PARG: variants seen among roughly 807,000 people sequenced by gnomAD.
PARG encodes mitochondrial poly(ADP-ribose) glycohydrolase.
PARG carries 35 observed loss-of-function variants against 113.0 expected under a neutral mutation model. The ratio of observed to expected loss-of-function variants is 0.31; its 90% CI spans 0.24 to 0.41. The LOEUF (loss-of-function observed/expected upper bound fraction) is 0.41, where lower values mean the gene tolerates loss of function less well. PARG is among the 10% of genes least tolerant of loss of function. PARG has a pLI of 1.00. For synonymous variants in PARG, 330 were observed against 409.9 expected, an observed-to-expected ratio of 0.81 and a Z score of 2.36; for missense variants, 797 against 1,169.4, an observed-to-expected ratio of 0.68 and a Z score of 4.64.
intron 7 of PARG, among the ~76,000 whole-genome samples, chr10:49,904,588 G>T (rs1232896102): frequency 2.6e-5 from 4 of 151,698 alleles, no homozygotes; most frequent in African/African-American, 9.7e-5. Flanking sequence ...AGAAATCAGT[G>T]TATTTTGCTA....
rs1358072147 is a variant in PARG at position 49,868,824 on chromosome 10, A to G, written c.2068+652T>C. ...GTAATGGCCGTTATTATATTATTTC[A>G]TAGGTGATAAAACTGAAGCTTAGAG... On this transcript the variant is annotated intron_variant, in intron 10 of 17. Transcript: ENST00000616448. Among the ~76,000 whole-genome samples, 3 of 151,348 alleles carry G rather than the reference A, an allele frequency of 2.0e-5. No homozygotes were observed. The East Asian group carries it at 5.8e-4, about 29-fold the overall frequency.
At chr10:49,849,815 C>A (rs1389964262) in intron 13 of PARG, among the ~76,000 whole-genome samples, 1 of 151,476 alleles carries the variant, frequency 6.6e-6, no homozygotes, top group Non-Finnish European at 1.5e-5. Flanking sequence ...GAGTTTGAGA[C>A]CAGCCTGGGC....
At chr10:49,832,601 A>AT (rs1844725739) in intron 16 of PARG, among the ~76,000 whole-genome samples, 1 of 152,338 alleles carries the variant, frequency 6.6e-6, no homozygotes, top group Admixed American at 6.5e-5. Context: ...GATCAAAGTG[A>AT]TAAGCGACCT....
chr10:49,917,079 AAAGAG>A (rs74262032), intron 6 of PARG, among the ~76,000 whole-genome samples: 28,454 of 151,730 alleles, frequency 0.19, 3,055 homozygotes, highest in Non-Finnish European at 0.27. Context: ...TAAGAAAAGA[AAAGAG>A]AAGAGAAGAT....
chr10:49,917,488 CAAA>C, intron 6 of PARG, among the ~76,000 whole-genome samples: 1 of 47,658 alleles, frequency 2.1e-5, no homozygotes, highest in Non-Finnish European at 4.4e-5. Flanking sequence ...GACTCCGTCT[CAAA>C]AAAAAAAAAA....
At chr10:49,934,850 A>G (rs1335862717) in intron 2 of PARG, among the ~76,000 whole-genome samples, 152 of 148,128 alleles carry the variant, frequency 1.0e-3, no homozygotes, top group Non-Finnish European at 2.0e-3. Flanking sequence ...CTCCATCTCA[A>G]AAAAAAAAAA....
At chr10:49,822,449 T>C (rs1360873488) in intron 16 of PARG, among the ~76,000 whole-genome samples, 4 of 152,154 alleles carry the variant, frequency 2.6e-5, no homozygotes, top group Admixed American at 6.5e-5. Context: ...TATTTTGTTA[T>C]ACCAGAAGGT....
chr10:49,890,417 T>A (rs576425546), intron 7 of PARG, among the ~76,000 whole-genome samples: 67 of 152,336 alleles, frequency 4.4e-4, no homozygotes, highest in African/African-American at 1.6e-3. Flanking sequence ...AGATTATAGA[T>A]CTGTTCATTC....
chr10:49,867,084 C>T lies in PARG; in HGVS notation c.2069-1703G>A, dbSNP rs1259383581. 2.2e-4 allele frequency: 34 copies of T among 152,036 alleles called. 1 individual carries two copies. The highest frequency in any genetic ancestry group is 8.2e-4 in the African/African-American group (34 of 41,350). The allele number at this position is 152,036 out of a possible 1,614,324, so 9.4% of individuals were successfully genotyped here. ...GGAGGTATCTTACCATAGGTCTAGA[C>T]TAGAGGTGAATTTTCCCAGAGAAGA... On this transcript the variant is annotated intron_variant, in intron 10 of 17. Coordinates refer to ENST00000616448, the MANE Select transcript of PARG (RefSeq NM_003631.5).
rs188178905 is a variant in PARG at position 49,915,910 on chromosome 10, C to G, written c.1737+7G>C. 2.2e-3 allele frequency: 3,111 copies of G among 1,428,200 alleles called. No individual in the cohort carries two copies. The highest frequency in any genetic ancestry group is 0.012 in the East Asian group (496 of 40,104). 88.5% of individuals were successfully genotyped at this position (1,428,200 alleles called of 1,614,324 possible). On this transcript the variant is annotated splice_region_variant and intron_variant, in intron 7 of 17. Coordinates refer to ENST00000616448, the MANE Select transcript of PARG (RefSeq NM_003631.5). ...ATATTTTCATAAAGAAATAAGGATA[C>G]TTTTACCTTATCCCAGAAATCGATC...
intron 7 of PARG, among the ~76,000 whole-genome samples, chr10:49,912,017 T>C (rs1249198638): frequency 2.0e-4 from 31 of 152,292 alleles, no homozygotes; most frequent in African/African-American, 7.2e-4. Flanking sequence ...TTCCAAATTC[T>C]GGCTGGGAGC....
At chr10:49,845,150 C>G (rs1454339248) in intron 13 of PARG, among the ~76,000 whole-genome samples, 4 of 152,180 alleles carry the variant, frequency 2.6e-5, no homozygotes, top group African/African-American at 9.7e-5. Context: ...GTGGAAATCT[C>G]ATTTTATATT....
chr10:49,929,960 C>T (rs1326351730), intron 4 of PARG, among the ~76,000 whole-genome samples: 4 of 150,696 alleles, frequency 2.7e-5, no homozygotes, highest in African/African-American at 9.7e-5. Context: ...AAGCTTACAT[C>T]AATCTACCAT....
chr10:49,908,892 G>A (rs1461345183), intron 7 of PARG, among the ~76,000 whole-genome samples: 6 of 152,184 alleles, frequency 3.9e-5, no homozygotes, highest in African/African-American at 1.4e-4. Context: ...ACAATTTACC[G>A]CCTTAGGTCA....
At chr10:49,831,367 C>A (rs1844652764) in intron 16 of PARG, among the ~76,000 whole-genome samples, 1 of 152,130 alleles carries the variant, frequency 6.6e-6, no homozygotes, top group South Asian at 2.1e-4. Context: ...GCTATTAAGG[C>A]CAGCTGGCTG....
intron 8 of PARG, among the ~76,000 whole-genome samples, chr10:49,880,881 A>C (rs1847181239): frequency 6.6e-6 from 1 of 152,228 alleles, no homozygotes; most frequent in African/African-American, 2.4e-5. Context: ...AAAGAATTGA[A>C]GTATTTTACC....
chr10:49,928,754 C>T (rs1328251466), intron 4 of PARG, among the ~76,000 whole-genome samples: 8 of 152,224 alleles, frequency 5.3e-5, no homozygotes, highest in African/African-American at 1.9e-4. Context: ...ATCCTCCTGC[C>T]TTGGCGTCCT....
Position 49,941,596 on chromosome 10 carries a change from C to A in PARG, c.130G>T (p.Ala44Ser). Residue 44 changes from alanine (A) to serine (S), a missense_variant, in exon 1 of 18, where the codon GCT (alanine) becomes TCT (serine). Ala to Ser is a moderately conservative substitution (Grantham distance 99). Around this residue, in one of 5 missense-constraint regions of PARG, gnomAD observed 284 missense variants for 306.1 expected, o/e 0.93. Transcript: ENST00000616448. Reference protein sequence around the residue: ...RQRRVLDPKDAHVQFRVPPSS... With the variant: ...RQRRVLDPKDSHVQFRVPPSS... ...GGTGGGACCCTGAACTGCACGTGAG[C>A]GTCCTTGGGGTCGAGGACGCGCCTC... is the stretch of plus-strand genomic sequence containing the variant. 5.1e-6 allele frequency: 8 copies of A among 1,572,980 alleles called. No homozygotes were observed. The highest frequency in any genetic ancestry group is 1.8e-5 in the Admixed American group (1 of 54,576).
intron 7 of PARG, among the ~76,000 whole-genome samples, chr10:49,893,636 TC>T (rs1337633866): frequency 6.6e-6 from 1 of 151,964 alleles, no homozygotes; most frequent in Non-Finnish European, 1.5e-5. Flanking sequence ...ACCCTCAGCC[TC>T]CCAAGTAGCT....
Sources: gnomAD v4.1 joint callset for allele counts (sites outside exome capture counted in the v4.1 genomes callset) on GRCh38, gnomAD v4.1.1 for gene constraint, gnomAD v4.1.1 regional missense constraint, MANE v1.5 for transcripts, NCBI Gene and HGNC (gene_info 2026-07-23, HGNC 2026-07-21) for gene names.